The following CENPE variants were observed in gnomAD, a reference collection of about 807,000 sequenced individuals.
CENPE encodes the protein centromere protein E.
CENPE carries 145 observed loss-of-function variants against 336.1 expected under a neutral mutation model. The observed-to-expected ratio is 0.43, with a 90% CI of 0.38 to 0.50. The LOEUF (loss-of-function observed/expected upper bound fraction) is 0.50. Ranked by LOEUF, CENPE falls within the 20% of genes least tolerant of loss-of-function variation. The probability of loss-of-function intolerance (pLI) is 0.00; values close to 1 mark genes in which losing one functional copy is unlikely to be tolerated. For missense variants in CENPE, 2,719 were observed against 3,023.3 expected, an observed-to-expected ratio of 0.90 and a Z score of 2.36; for synonymous variants, 1,013 against 984.8, an observed-to-expected ratio of 1.03 and a Z score of -0.54.
intron 13 of CENPE, among the ~76,000 whole-genome samples, chr4:103,178,493 C>G: frequency 6.6e-6 from 1 of 152,156 alleles, no homozygotes; most frequent in Non-Finnish European, 1.5e-5. Context: ...CTATCCTTTC[C>G]TCCATGTTTG....
chr4:103,197,536 G>T (rs1757831867), intron 1 of CENPE, among the ~76,000 whole-genome samples: 1 of 152,172 alleles, frequency 6.6e-6, no homozygotes, highest in African/African-American at 2.4e-5. Flanking sequence ...GGAAATTCCT[G>T]ATCTTGGTAT....
chr4:103,127,227 G>GA (rs989810111), intron 42 of CENPE, among the ~76,000 whole-genome samples: 4 of 151,594 alleles, frequency 2.6e-5, no homozygotes, highest in African/African-American at 9.7e-5. Flanking sequence ...AGCTAGAAGG[G>GA]AAAAAACACC....
At chr4:103,157,387 C>T (rs1754051353) in intron 24 of CENPE, among the ~76,000 whole-genome samples, 2 of 151,942 alleles carry the variant, frequency 1.3e-5, no homozygotes, top group Admixed American at 1.3e-4. Context: ...GTGGCATATA[C>T]ATATAATGGA....
At chr4:103,174,972 G>T in intron 15 of CENPE, 69 bp from the exon 16 acceptor site, 2 of 989,498 alleles carry the variant, frequency 2.0e-6, no homozygotes, top group Non-Finnish European at 2.8e-6. Flanking sequence ...AATAAAATTT[G>T]AATTATTTAA....
At chr4:103,148,693 C>A in intron 28 of CENPE, 151 bp downstream of exon 28, 1 of 678,478 alleles carries the variant, frequency 1.5e-6, no homozygotes, top group Non-Finnish European at 2.5e-6. Context: ...ATTTCTATAA[C>A]CTAGGAGTGT....
intron 47 of CENPE, among the ~76,000 whole-genome samples, chr4:103,109,472 T>C (rs1370291052): frequency 6.6e-6 from 1 of 152,200 alleles, no homozygotes; most frequent in Non-Finnish European, 1.5e-5. Flanking sequence ...GATGTACCTT[T>C]CTTACTGTAA....
chr4:103,143,307 T>G lies in CENPE; in HGVS notation c.5245A>C (p.Asn1749His). Residue 1749 changes from asparagine (N) to histidine (H), a missense_variant, in exon 34 of 49, where the codon AAT (asparagine) becomes CAT (histidine). Coordinates refer to ENST00000265148, the MANE Select transcript of CENPE (RefSeq NM_001813.3). ...TCCTTTTGCATATTTGATATTTCATTTGTTTTCTCTGAAACAATCCCTCTT... is the reference window on the plus strand; with the variant it reads ...TCCTTTTGCATATTTGATATTTCATGTGTTTTCTCTGAAACAATCCCTCTT... ...KLRGIVSEKT[N>H]EISNMQKDLE... The G allele has an allele frequency of 1.2e-6, 2 of 1,607,784 alleles. No homozygotes were observed. Among genetic ancestry groups the G allele is most frequent in the Non-Finnish European group, 8.5e-7 (1 of 1,174,894 alleles).
At chr4:103,134,635 C>CAAAAAAAA (rs36085712) in intron 40 of CENPE, among the ~76,000 whole-genome samples, 1 of 64,772 alleles carries the variant, frequency 1.5e-5, no homozygotes, top group Non-Finnish European at 2.9e-5. Context: ...GACTCCGTCT[C>CAAAAAAAA]AAAAAAAAAA....
chr4:103,185,720 T>G (rs1042483368), intron 9 of CENPE, 90 bp downstream of exon 9: 7 of 695,282 alleles, frequency 1.0e-5, no homozygotes, highest in Admixed American at 5.5e-5. Context: ...TATAATTACT[T>G]TATCAATTTC....
chr4:103,158,886 GCTTT>G lies in CENPE; in HGVS notation c.2602-4_2602-1del. On this transcript the variant is annotated splice_acceptor_variant and splice_polypyrimidine_tract_variant and intron_variant, in intron 22 of 48. Coordinates refer to ENST00000265148, the MANE Select transcript of CENPE (RefSeq NM_001813.3). LOFTEE classifies it high-confidence loss of function. ...TGAAGTTCTTGGGTCTTGTAAGAAA[GCTTT>G]AAAAAAGAAAAAGTAAATGTCACAC... The G allele has an allele frequency of 6.3e-7, 1 of 1,591,176 alleles. No individual in the cohort carries two copies. Among genetic ancestry groups the G allele is most frequent in the Admixed American group, 1.9e-5 (1 of 53,290 alleles).
intron 16 of CENPE, among the ~76,000 whole-genome samples, chr4:103,168,241 G>A (rs537989483): frequency 1.3e-5 from 2 of 151,978 alleles, no homozygotes; most frequent in Non-Finnish European, 2.9e-5. Context: ...GCTGCAGTCA[G>A]GAAGCTATCT....
chr4:103,145,667 T>C lies in CENPE; in HGVS notation c.4428A>G (p.Glu1476=). 3 of 1,594,438 alleles carry C rather than the reference T, an allele frequency of 1.9e-6. No individual in the cohort carries two copies. The highest frequency in any genetic ancestry group is 2.2e-5 in the East Asian group (1 of 44,578). ...KEIVAKHLET[E]EELKVAHCCL... ...AACAATGAGCAACTTTAAGTTCCTC[T>C]TCAGTTTCCAGGTGCTTTATTATTA... Residue 1476 remains glutamate, a synonymous_variant, in exon 31 of 49, where the codon GAA becomes GAG. Coordinates refer to ENST00000265148, the MANE Select transcript of CENPE (RefSeq NM_001813.3).
intron 44 of CENPE, among the ~76,000 whole-genome samples, chr4:103,118,953 T>C (rs1293064032): frequency 6.6e-6 from 1 of 152,148 alleles, no homozygotes; most frequent in African/African-American, 2.4e-5. Context: ...TTGTTTTCAG[T>C]TTGCTATTTC....
chr4:103,151,305 CT>C lies in CENPE; in HGVS notation c.3309del (p.Glu1104LysfsTer6). 6.2e-7 allele frequency: 1 copy of C among 1,606,398 alleles called. No homozygotes were observed. Among genetic ancestry groups the C allele is most frequent in the Non-Finnish European group, 8.5e-7 (1 of 1,178,362 alleles). On this transcript the variant is annotated frameshift_variant, in exon 26 of 49. Transcript: ENST00000265148. LOFTEE classifies it high-confidence loss of function. The stretch of plus-strand genomic sequence containing the variant: ...TCTTTCTTTATGGCATGGTTCTTTT[CT>C]TGTGCAACTATCTCTTGTTGCTTTT... ...ELKKQQEIVAQEKNHAIKKEG... is the reference protein window; with the variant it reads ...ELKKQQEIVAXEKNHAIKKEG...
At chr4:103,137,849 T>C (rs1752198004) in intron 39 of CENPE, among the ~76,000 whole-genome samples, 1 of 152,194 alleles carries the variant, frequency 6.6e-6, no homozygotes, top group South Asian at 2.1e-4. Flanking sequence ...CCCTTTAAAA[T>C]GTTAAGTCAG....
intron 8 of CENPE, among the ~76,000 whole-genome samples, chr4:103,190,466 C>A (rs1169479816): frequency 6.6e-6 from 1 of 151,866 alleles, no homozygotes; most frequent in Admixed American, 6.6e-5. Flanking sequence ...TGGAAAGGAA[C>A]AGAGCCCTCA....
At chr4:103,163,911 G>C (rs776742273) in intron 16 of CENPE, among the ~76,000 whole-genome samples, 1 of 152,068 alleles carries the variant, frequency 6.6e-6, no homozygotes, top group African/African-American at 2.4e-5. Flanking sequence ...AAAAATACAC[G>C]TTTAGTAGAT....
At chr4:103,114,653 C>T in intron 45 of CENPE, 101 bp from the exon 46 acceptor site, 2 of 710,324 alleles carry the variant, frequency 2.8e-6, no homozygotes, top group Non-Finnish European at 4.8e-6. Flanking sequence ...ATCACATTGA[C>T]ATAATGCCTG....
chr4:103,189,863 C>G (rs1282127392), intron 8 of CENPE, among the ~76,000 whole-genome samples: 1 of 152,148 alleles, frequency 6.6e-6, no homozygotes, highest in Non-Finnish European at 1.5e-5. Context: ...TCCCTGTTTG[C>G]AGATGACATG....
Sources: gnomAD v4.1 joint callset for allele counts (sites outside exome capture counted in the v4.1 genomes callset) on GRCh38, gnomAD v4.1.1 for gene constraint, MANE v1.5 for transcripts, NCBI Gene and HGNC (gene_info 2026-07-23, HGNC 2026-07-21) for gene names.